The following TSGA10 variants were observed in gnomAD, a reference collection of about 807,000 sequenced individuals.
The protein encoded by TSGA10 is testis-specific gene 10 protein.
Under a neutral mutation model 96.6 loss-of-function variants are expected in TSGA10, and 43 were observed. That is an observed-to-expected ratio of 0.44 (90% confidence interval 0.35 to 0.57). The LOEUF is 0.57. TSGA10 is among the 20% of genes least tolerant of loss of function. TSGA10 has a pLI of 0.01. For synonymous variants in TSGA10, 229 were observed against 269.9 expected, an observed-to-expected ratio of 0.85 and a Z score of 1.48; for missense variants, 703 against 834.4, an observed-to-expected ratio of 0.84 and a Z score of 1.94.
chr2:99,129,400 CA>C (rs951780335), intron 1 of TSGA10, among the ~76,000 whole-genome samples: 1 of 152,144 alleles, frequency 6.6e-6, no homozygotes, highest in African/African-American at 2.4e-5. Context: ...ATAAAGCATA[CA>C]AAATTAAACT....
intron 17 of TSGA10, among the ~76,000 whole-genome samples, chr2:99,026,999 AC>A (rs2105010132): frequency 6.6e-6 from 1 of 152,298 alleles, no homozygotes; most frequent in South Asian, 2.1e-4. Flanking sequence ...GGAGTGTGCA[AC>A]CTAGATCCCT....
At chr2:99,107,153 T>C (rs1188976678) in intron 7 of TSGA10, among the ~76,000 whole-genome samples, 1 of 152,230 alleles carries the variant, frequency 6.6e-6, no homozygotes, top group Non-Finnish European at 1.5e-5. Context: ...GTCACTGTCA[T>C]GCAACCCTCC....
chr2:99,109,480 T>C lies in TSGA10; in HGVS notation c.-41A>G, dbSNP rs771052698. The C allele has an allele frequency of 1.2e-6, 2 of 1,606,426 alleles. No individual in the cohort carries two copies. Among genetic ancestry groups the C allele is most frequent in the South Asian group, 2.2e-5 (2 of 89,702 alleles). The stretch of plus-strand genomic sequence containing the variant: ...AGCTTCACTCTTATAGTGATCTTTG[T>C]CTGCTTCCAAAGTCTTGACAAAGGA... On this transcript the variant is annotated 5_prime_UTR_variant, in exon 6 of 21. Transcript: ENST00000393483.
In TSGA10 at chr2:99,102,282, G is replaced by A. The variant is rs556904910; in HGVS notation, c.611+1685C>T. ...TACTTTGGTGATGAAGAAAGGAGAT[G>A]TGGAGGGCAGTCAGTCTCAAGATGA... On this transcript the variant is annotated intron_variant, in intron 10 of 20. Coordinates refer to ENST00000393483, the MANE Select transcript of TSGA10 (RefSeq NM_025244.4). 6 of 1,611,926 alleles carry A rather than the reference G, an allele frequency of 3.7e-6. No homozygotes were observed. In the South Asian group the frequency reaches 6.6e-5, roughly 18 times the overall value.
Position 99,002,923 on chromosome 2 carries a change from G to A in TSGA10, c.2073-4702C>T, listed in dbSNP as rs1359955644. 9.2e-5 allele frequency among the ~76,000 whole-genome samples: 14 copies of A among 151,624 alleles called. No homozygotes were observed. The East Asian group carries it at 2.1e-3, about 23-fold the overall frequency. On this transcript the variant is annotated intron_variant, in intron 20 of 20. Transcript: ENST00000393483. Reference sequence around the variant, plus strand: ...CGCCCAGGCTGGAGTGCAGTGGTGCGATCTTGGCTCACTGCAACCTCCACC... The same window carrying A: ...CGCCCAGGCTGGAGTGCAGTGGTGCAATCTTGGCTCACTGCAACCTCCACC...
chr2:99,120,262 C>T (rs2092501191), intron 2 of TSGA10, among the ~76,000 whole-genome samples: 1 of 152,096 alleles, frequency 6.6e-6, no homozygotes, highest in Admixed American at 6.6e-5. Flanking sequence ...CACTCCCCTC[C>T]CTTCTCTCAT....
At chr2:99,002,940 A>G (rs2078072722) in intron 20 of TSGA10, among the ~76,000 whole-genome samples, 2 of 151,834 alleles carry the variant, frequency 1.3e-5, no homozygotes, top group East Asian at 1.9e-4. Context: ...GCTCACTGCA[A>G]CCTCCACCTC....
chr2:99,051,994 A>G (rs1322489138), intron 16 of TSGA10, among the ~76,000 whole-genome samples: 1 of 152,026 alleles, frequency 6.6e-6, no homozygotes, highest in Non-Finnish European at 1.5e-5. Flanking sequence ...CTTAGAAGAA[A>G]ATTGATGCAG....
chr2:99,015,482 GACACA>G (rs2079432269), intron 20 of TSGA10, among the ~76,000 whole-genome samples: 1 of 152,072 alleles, frequency 6.6e-6, no homozygotes, highest in South Asian at 2.1e-4. Flanking sequence ...GTATAGGAGG[GACACA>G]CACTTCACAT....
intron 12 of TSGA10, 75 bp downstream of exon 12, chr2:99,078,584 G>A: frequency 4.3e-6 from 6 of 1,381,538 alleles, no homozygotes; most frequent in Non-Finnish European, 5.9e-6. Context: ...TCAGATTCTA[G>A]TTCTTTTAAA....
At chr2:99,128,546 T>G (rs1339099795) in intron 1 of TSGA10, among the ~76,000 whole-genome samples, 1 of 152,212 alleles carries the variant, frequency 6.6e-6, no homozygotes, top group Non-Finnish European at 1.5e-5. Context: ...AGGCTGAGAT[T>G]TGACATTTCT....
chr2:99,085,127 A>G (rs1363364054), intron 10 of TSGA10, among the ~76,000 whole-genome samples: 1 of 151,950 alleles, frequency 6.6e-6, no homozygotes, highest in Non-Finnish European at 1.5e-5. Context: ...TGCACCTGCA[A>G]TCCTAGCTAC....
intron 2 of TSGA10, chr2:99,126,658 A>G (rs1559098624): frequency 6.1e-6 from 1 of 162,798 alleles, no homozygotes; most frequent in Admixed American, 6.2e-5. Flanking sequence ...CTTGAAGTTC[A>G]GAGAATTGAG....
chr2:99,117,074 C>T (rs2092310798), intron 4 of TSGA10: 1 of 152,160 alleles, frequency 6.6e-6, no homozygotes, highest in Non-Finnish European at 1.5e-5. Context: ...GTGCAGATAC[C>T]TCTGTGACAT....
intron 16 of TSGA10, among the ~76,000 whole-genome samples, chr2:99,059,182 AC>A (rs1485036652): frequency 6.6e-6 from 1 of 150,842 alleles, no homozygotes; most frequent in Non-Finnish European, 1.5e-5. Context: ...CCATGTCTCA[AC>A]AAAAAACAAA....
chr2:99,039,469 C>T (rs904509592), intron 16 of TSGA10, among the ~76,000 whole-genome samples: 6 of 151,868 alleles, frequency 4.0e-5, no homozygotes, highest in East Asian at 3.9e-4. Flanking sequence ...ACCAATACCA[C>T]GGAAATACAA....
At chr2:99,142,644 A>G (rs1403250906) in intron 1 of TSGA10, among the ~76,000 whole-genome samples, 1 of 152,240 alleles carries the variant, frequency 6.6e-6, no homozygotes. Flanking sequence ...AAGAGGTTAG[A>G]GGACACAAGG....
intron 4 of TSGA10, among the ~76,000 whole-genome samples, chr2:99,116,080 T>C (rs952040216): frequency 6.6e-6 from 1 of 152,232 alleles, no homozygotes; most frequent in Admixed American, 6.5e-5. Context: ...ATAAGAGTCC[T>C]GTTACATTAA....
At chr2:99,029,053 G>T (rs2080909956) in intron 17 of TSGA10, among the ~76,000 whole-genome samples, 1 of 152,096 alleles carries the variant, frequency 6.6e-6, no homozygotes, top group South Asian at 2.1e-4. Context: ...ATCTGGCCAG[G>T]AAAAGAAAAG....
Sources: gnomAD v4.1 joint callset for allele counts (sites outside exome capture counted in the v4.1 genomes callset) on GRCh38, gnomAD v4.1.1 for gene constraint, MANE v1.5 for transcripts, NCBI Gene and HGNC (gene_info 2026-07-23, HGNC 2026-07-21) for gene names.